OR51B5: variants seen among roughly 807,000 people sequenced by gnomAD.
The protein encoded by OR51B5 is olfactory receptor family 51 subfamily B member 5.
For missense variants in OR51B5, 456 were observed against 374.6 expected (o/e 1.22, Z -1.79); for synonymous variants, 186 against 144.8 (o/e 1.28, Z -2.04).
intron 1 of OR51B5, among the ~76,000 whole-genome samples, chr11:5,368,406 A>C (rs567529697): frequency 1.5e-4 from 23 of 152,190 alleles, no homozygotes; most frequent in Non-Finnish European, 2.8e-4. Context: ...AAATACATTA[A>C]TATGTCTAAC....
chr11:5,406,305 G>T (rs1330222698), intron 1 of OR51B5, among the ~76,000 whole-genome samples: 2 of 151,998 alleles, frequency 1.3e-5, no homozygotes, highest in South Asian at 2.1e-4. Context: ...TTCTAGAATG[G>T]ATTTCTTTAT....
Position 5,429,397 on chromosome 11 carries a change from G to A in OR51B5, n.84+76172C>T, listed in dbSNP as rs561660296. On this transcript the variant is annotated intron_variant and non_coding_transcript_variant, in intron 1 of 4. Transcript: ENST00000415970. ...AAAAAGTCACAGACAACCTTACAAA[G>A]ACAACCCTTGTAAGCTGGATGAGTC... 1.7e-3 allele frequency among the ~76,000 whole-genome samples: 264 copies of A among 152,302 alleles called. 1 individual carries two copies. Among genetic ancestry groups the A allele is most frequent in the African/African-American group, 6.0e-3 (248 of 41,562 alleles).
rs116764016 is a variant in OR51B5, at chr11:5,352,345, C to T, written n.85-5435G>A. The T allele has an allele frequency of 1.3e-3, 2,033 of 1,613,814 alleles. 23 individuals carry two copies. In the African/African-American group the frequency reaches 0.025, roughly 20 times the overall value. ...CATCACAATGAGCTACATCCACTTC[C>T]TTTTCCCACCTTTTATGAACCCATT... is the stretch of plus-strand genomic sequence containing the variant. On this transcript the variant is annotated intron_variant and non_coding_transcript_variant, in intron 1 of 4. Coordinates refer to the OR51B5 transcript ENST00000415970.
intron 1 of OR51B5, among the ~76,000 whole-genome samples, chr11:5,360,023 C>T (rs1164312406): frequency 6.6e-6 from 1 of 152,178 alleles, no homozygotes; most frequent in Non-Finnish European, 1.5e-5. Flanking sequence ...AAATGTTAGA[C>T]TGAAAACCAT....
chr11:5,476,259 AT>A (rs1851303218), intron 1 of OR51B5, among the ~76,000 whole-genome samples: 1 of 152,202 alleles, frequency 6.6e-6, no homozygotes, highest in South Asian at 2.1e-4. Context: ...ACTCGTTTAA[AT>A]TTGAAAACAT....
intron 1 of OR51B5, among the ~76,000 whole-genome samples, chr11:5,402,365 T>C (rs1362287075): frequency 1.3e-5 from 2 of 152,214 alleles, no homozygotes; most frequent in African/African-American, 4.8e-5. Context: ...TTCTAGAACA[T>C]AATTTTCTAT....
At chr11:5,489,268 G>A (rs746964308) in intron 1 of OR51B5, 11 of 1,613,946 alleles carry the variant, frequency 6.8e-6, no homozygotes, top group East Asian at 6.7e-5. Context: ...TATGGGCATT[G>A]CCCGACTGGC....
chr11:5,488,576 C>A, intron 1 of OR51B5: 1 of 718,412 alleles, frequency 1.4e-6, no homozygotes, highest in Non-Finnish European at 2.3e-6. Flanking sequence ...AAGTGAAAAA[C>A]AAATTTTTTT....
At chr11:5,488,500 C>T (rs1263237563) in intron 1 of OR51B5, among the ~76,000 whole-genome samples, 1 of 152,046 alleles carries the variant, frequency 6.6e-6, no homozygotes, top group Non-Finnish European at 1.5e-5. Context: ...CATCATTGTT[C>T]AATATAGAAA....
chr11:5,460,098 A>T (rs1423473276), intron 1 of OR51B5, among the ~76,000 whole-genome samples: 1 of 152,210 alleles, frequency 6.6e-6, no homozygotes, highest in Non-Finnish European at 1.5e-5. Flanking sequence ...CCTTTTCAGA[A>T]ACATGAATGG....
intron 1 of OR51B5, among the ~76,000 whole-genome samples, chr11:5,394,031 A>G (rs1259950820): frequency 6.6e-6 from 1 of 152,198 alleles, no homozygotes; most frequent in Non-Finnish European, 1.5e-5. Context: ...AGGAAAAGAT[A>G]GCAACAGAAA....
At chr11:5,354,097 T>TTATTTA (rs1849148205) in intron 1 of OR51B5, among the ~76,000 whole-genome samples, 1 of 152,218 alleles carries the variant, frequency 6.6e-6, no homozygotes, top group Non-Finnish European at 1.5e-5. Context: ...AAATATAATT[T>TTATTTA]TTCATTAAAA....
chr11:5,412,181 C>T (rs544077275), intron 1 of OR51B5, among the ~76,000 whole-genome samples: 11 of 152,276 alleles, frequency 7.2e-5, no homozygotes, highest in African/African-American at 2.2e-4. Flanking sequence ...ATATGGTAGT[C>T]CTTCTGATAT....
At chr11:5,497,791 G>T (rs1851670734) in intron 1 of OR51B5, among the ~76,000 whole-genome samples, 1 of 152,146 alleles carries the variant, frequency 6.6e-6, no homozygotes, top group African/African-American at 2.4e-5. Context: ...CCTTTTGCCA[G>T]CTACCCATGG....
At chr11:5,472,779 G>C (rs1468368259) in intron 1 of OR51B5, among the ~76,000 whole-genome samples, 1 of 152,160 alleles carries the variant, frequency 6.6e-6, no homozygotes, top group Non-Finnish European at 1.5e-5. Context: ...CTGAATCCTA[G>C]ACCACTGATT....
intron 1 of OR51B5, among the ~76,000 whole-genome samples, chr11:5,414,381 G>C (rs926514526): frequency 6.9e-6 from 1 of 144,488 alleles, no homozygotes; most frequent in Admixed American, 7.1e-5. Context: ...CAACTAATGA[G>C]CAAAATAACC....
At chr11:5,390,092 C>T (rs1849770614) in intron 1 of OR51B5, 1 of 1,613,802 alleles carries the variant, frequency 6.2e-7, no homozygotes, top group East Asian at 2.2e-5. Context: ...GTCCTATGGA[C>T]TCATCCTGCA....
chr11:5,398,090 T>C (rs1849908004), intron 1 of OR51B5, among the ~76,000 whole-genome samples: 1 of 152,124 alleles, frequency 6.6e-6, no homozygotes, highest in Non-Finnish European at 1.5e-5. Context: ...TTAGGAGATA[T>C]ACCTAATGTT....
chr11:5,363,460 C>G (rs992111761), intron 1 of OR51B5, among the ~76,000 whole-genome samples: 1 of 58,128 alleles, frequency 1.7e-5, no homozygotes, highest in African/African-American at 6.5e-5. Flanking sequence ...CACACACACT[C>G]TCTCTCTCAC....
Sources: gnomAD v4.1 joint callset for allele counts (sites outside exome capture counted in the v4.1 genomes callset) on GRCh38, gnomAD v4.1.1 for gene constraint, MANE v1.5 for transcripts, NCBI Gene and HGNC (gene_info 2026-07-23, HGNC 2026-07-21) for gene names.